TFDP2: variants seen among roughly 807,000 people sequenced by gnomAD.
TFDP2 encodes the protein transcription factor Dp-2, also known as transcription factor Dp-2 (E2F dimerization partner 2).
TFDP2 carries 17 observed loss-of-function variants against 59.3 expected under a neutral mutation model. The observed-to-expected ratio is 0.29, with a 90% CI of 0.20 to 0.43. TFDP2 has a LOEUF of 0.43. Among genes scored for constraint, TFDP2 ranks in the 20% least tolerant of loss-of-function variants. The pLI, the probability that TFDP2 is intolerant of heterozygous loss-of-function variation, is 1.00. For synonymous variants in TFDP2, 180 were observed against 194.7 expected (o/e 0.92, Z 0.63); for missense variants, 391 against 528.8 (o/e 0.74, Z 2.56).
chr3:142,078,123 C>CT, intron 3 of TFDP2, among the ~76,000 whole-genome samples: 1 of 152,224 alleles, frequency 6.6e-6, no homozygotes, highest in East Asian at 1.9e-4. Context: ...GTGAGAAGGA[C>CT]TTTGTCTTGT....
intron 10 of TFDP2, 27 bp downstream of exon 10, chr3:141,963,785 T>C (rs752927360): frequency 6.2e-7 from 1 of 1,604,772 alleles, no homozygotes. Context: ...AGGCCAGCCC[T>C]GCACCCATCC....
chr3:142,132,563 A>G (rs1253126799), intron 1 of TFDP2, among the ~76,000 whole-genome samples: 2 of 149,072 alleles, frequency 1.3e-5, no homozygotes, highest in Non-Finnish European at 2.9e-5. Flanking sequence ...GGCTAACACA[A>G]TGAAACCCCG....
chr3:141,983,964 T>C (rs1941773508), intron 6 of TFDP2, among the ~76,000 whole-genome samples: 1 of 152,150 alleles, frequency 6.6e-6, no homozygotes, highest in South Asian at 2.1e-4. Context: ...CTTTTGGGTA[T>C]ACACCCAGAT....
At chr3:142,123,865 T>G (rs1177604865) in intron 1 of TFDP2, among the ~76,000 whole-genome samples, 1 of 152,134 alleles carries the variant, frequency 6.6e-6, no homozygotes, top group Non-Finnish European at 1.5e-5. Flanking sequence ...GCAGTAAAAC[T>G]ATTATTATTT....
chr3:142,056,589 C>T (rs187305311), intron 3 of TFDP2, among the ~76,000 whole-genome samples: 6 of 152,134 alleles, frequency 3.9e-5, no homozygotes, highest in African/African-American at 1.4e-4. Flanking sequence ...ATCTGGCAAC[C>T]CTTGGTGGGA....
At position 141,993,933 on chromosome 3, in the gene TFDP2, A is replaced by G. The variant is rs11569210; in HGVS notation, c.309-348T>C. 9.9e-4 allele frequency among the ~76,000 whole-genome samples: 151 copies of G among 152,364 alleles called. 1 individual carries two copies. Among genetic ancestry groups the G allele is most frequent in the African/African-American group, 3.4e-3 (142 of 41,584 alleles). Reference sequence around the variant, plus strand: ...AATATAAAGCACAAATGGGGCTGAAAACATCCAGACCCTGGTCATTTCCAA... The same window carrying G: ...AATATAAAGCACAAATGGGGCTGAAGACATCCAGACCCTGGTCATTTCCAA... On this transcript the variant is annotated intron_variant, in intron 5 of 12. Coordinates refer to ENST00000489671, the MANE Select transcript of TFDP2 (RefSeq NM_001178139.2).
intron 6 of TFDP2, among the ~76,000 whole-genome samples, chr3:141,981,994 T>C (rs919136967): frequency 1.3e-5 from 2 of 152,208 alleles, no homozygotes; most frequent in Admixed American, 1.3e-4. Context: ...GAATTAAATT[T>C]ATGAGTTGCA....
At chr3:142,002,145 C>A (rs1458894727) in intron 4 of TFDP2, among the ~76,000 whole-genome samples, 1 of 151,930 alleles carries the variant, frequency 6.6e-6, no homozygotes, top group Admixed American at 6.6e-5. Flanking sequence ...CAGGCACCCG[C>A]CACCATGTCC....
At chr3:142,081,905 G>C (rs73232693) in intron 3 of TFDP2, among the ~76,000 whole-genome samples, 12,971 of 152,222 alleles carry the variant, frequency 0.085, 699 homozygotes, top group Middle Eastern at 0.14. Flanking sequence ...AATATTTAAA[G>C]AAGAACTGAT....
chr3:141,997,961 C>T (rs1205806754), intron 4 of TFDP2, among the ~76,000 whole-genome samples: 1 of 151,252 alleles, frequency 6.6e-6, no homozygotes, highest in Non-Finnish European at 1.5e-5. Flanking sequence ...AAAGTGAATT[C>T]TAGTTTACAT....
At chr3:142,064,828 T>C (rs2060024465) in intron 3 of TFDP2, among the ~76,000 whole-genome samples, 1 of 152,194 alleles carries the variant, frequency 6.6e-6, no homozygotes, top group African/African-American at 2.4e-5. Flanking sequence ...GTTGCAAAAG[T>C]AGTTAACAGG....
At chr3:142,021,173 A>G (rs1257757051) in intron 3 of TFDP2, among the ~76,000 whole-genome samples, 2 of 152,176 alleles carry the variant, frequency 1.3e-5, no homozygotes, top group Non-Finnish European at 2.9e-5. Context: ...CAACATCACT[A>G]TAATTGGGAT....
chr3:142,144,708 CT>C (rs973740503), intron 1 of TFDP2, among the ~76,000 whole-genome samples: 2 of 151,896 alleles, frequency 1.3e-5, no homozygotes, highest in Non-Finnish European at 2.9e-5. Flanking sequence ...AGCCTGACTA[CT>C]TTTTGTATTT....
At chr3:142,093,885 A>C (rs1458824945) in intron 2 of TFDP2, 2 of 446,222 alleles carry the variant, frequency 4.5e-6, no homozygotes, top group Non-Finnish European at 8.9e-6. Context: ...ATAAAGACTA[A>C]ATGAGATAAT....
At chr3:142,102,413 A>C (rs1269342113) in intron 1 of TFDP2, among the ~76,000 whole-genome samples, 1 of 152,208 alleles carries the variant, frequency 6.6e-6, no homozygotes, top group African/African-American at 2.4e-5. Context: ...CCATTGAATA[A>C]AATAATAATC....
intron 2 of TFDP2, chr3:142,093,873 T>C (rs1174558376): frequency 2.4e-6 from 1 of 418,210 alleles, no homozygotes; most frequent in Non-Finnish European, 4.8e-6. Context: ...ATTCAGGTTG[T>C]TATAAAGACT....
chr3:142,016,724 T>C (rs1945161445), intron 3 of TFDP2, among the ~76,000 whole-genome samples: 1 of 152,172 alleles, frequency 6.6e-6, no homozygotes, highest in Admixed American at 6.5e-5. Flanking sequence ...ACTAGAAAAT[T>C]TGCAATTACA....
intron 3 of TFDP2, among the ~76,000 whole-genome samples, chr3:142,083,394 T>C (rs1272890952): frequency 6.6e-6 from 1 of 152,152 alleles, no homozygotes; most frequent in Non-Finnish European, 1.5e-5. Context: ...ATTCATAGAC[T>C]AGAAGAATCA....
intron 3 of TFDP2, among the ~76,000 whole-genome samples, chr3:142,040,530 C>A (rs551569302): frequency 6.6e-6 from 1 of 152,114 alleles, no homozygotes; most frequent in South Asian, 2.1e-4. Context: ...TGGGTTCAAG[C>A]GATTCTTCTG....
Sources: gnomAD v4.1 joint callset for allele counts (sites outside exome capture counted in the v4.1 genomes callset) on GRCh38, gnomAD v4.1.1 for gene constraint, MANE v1.5 for transcripts, NCBI Gene and HGNC (gene_info 2026-07-23, HGNC 2026-07-21) for gene names.